Variants in GRIP1 observed in about 807,000 individuals in gnomAD.
The protein encoded by GRIP1 is glutamate receptor interacting protein 1, also known as glutamate receptor-interacting protein 1.
Under a neutral mutation model 129.9 loss-of-function variants are expected in GRIP1, and 45 were observed. That is an observed-to-expected ratio of 0.35 (90% CI 0.27 to 0.44). The LOEUF is 0.44. GRIP1 is among the 20% of genes least tolerant of loss of function. The probability of loss-of-function intolerance (pLI) is 1.00; values close to 1 mark genes in which losing one functional copy is unlikely to be tolerated. For synonymous variants in GRIP1, 530 were observed against 520.8 expected (o/e 1.02, Z -0.24); for missense variants, 1,196 against 1,396.8 (o/e 0.86, Z 2.29).
At chr12:66,595,018 T>C (rs2063991940) in intron 2 of GRIP1, among the ~76,000 whole-genome samples, 1 of 152,218 alleles carries the variant, frequency 6.6e-6, no homozygotes, top group African/African-American at 2.4e-5. Context: ...ACTACTTTGG[T>C]TTCTTAGCCC....
At chr12:66,764,625 C>T (rs1789183882) in intron 1 of GRIP1, among the ~76,000 whole-genome samples, 1 of 152,022 alleles carries the variant, frequency 6.6e-6, no homozygotes, top group Admixed American at 6.6e-5. Context: ...ATTCTAGAAG[C>T]CTTTATATTT....
At chr12:66,971,590 C>T (rs1251179079) in intron 1 of GRIP1, among the ~76,000 whole-genome samples, 3 of 152,096 alleles carry the variant, frequency 2.0e-5, no homozygotes, top group East Asian at 3.8e-4. Flanking sequence ...AGTCCCTGCC[C>T]TTGAGGAACT....
chr12:66,427,607 T>C (rs2058026332), intron 14 of GRIP1, among the ~76,000 whole-genome samples: 1 of 152,154 alleles, frequency 6.6e-6, no homozygotes, highest in South Asian at 2.1e-4. Flanking sequence ...ACATATGTTC[T>C]TATGTTGTTT....
chr12:66,452,121 C>T (rs1219404129), intron 11 of GRIP1, among the ~76,000 whole-genome samples: 1 of 152,222 alleles, frequency 6.6e-6, no homozygotes, highest in Non-Finnish European at 1.5e-5. Context: ...GGAGTCTCTA[C>T]ACTGGCCCAG....
chr12:66,392,780 G>T lies in GRIP1; in HGVS notation c.2166C>A (p.Ala722=), dbSNP rs1341900347. 1 of 1,614,046 alleles carries T rather than the reference G, an allele frequency of 6.2e-7. No individual in the cohort carries two copies. The highest frequency in any genetic ancestry group is 1.7e-5 in the Admixed American group (1 of 60,016). ...TCCCTTTCAAGCTGCTGCTATTGAT[G>T]GCTAGGATTCGGTCTCCTATGTGGA... ...GAIHIGDRIL[A]INSSSLKGKP... The change falls in exon 18 of 25, where the codon GCC becomes GCA. Residue 722 remains alanine (A), a synonymous_variant. Coordinates refer to ENST00000359742, the MANE Select transcript of GRIP1 (RefSeq NM_001366722.1).
chr12:66,934,716 A>G (rs2041456497), intron 1 of GRIP1, among the ~76,000 whole-genome samples: 1 of 152,206 alleles, frequency 6.6e-6, no homozygotes, highest in Non-Finnish European at 1.5e-5. Context: ...TTTCCAACCA[A>G]GCTATTTATT....
chr12:66,390,841 G>A (rs1346378969), intron 19 of GRIP1, among the ~76,000 whole-genome samples: 2 of 152,180 alleles, frequency 1.3e-5, no homozygotes, highest in Non-Finnish European at 2.9e-5. Flanking sequence ...GCAATCAGAA[G>A]GTCTGTTATT....
At chr12:66,952,636 T>C (rs11176493) in intron 1 of GRIP1, among the ~76,000 whole-genome samples, 39,641 of 152,092 alleles carry the variant, frequency 0.26, 5,370 homozygotes, top group East Asian at 0.41. Flanking sequence ...GAACAAAATA[T>C]GAATGGCAGA....
intron 1 of GRIP1, among the ~76,000 whole-genome samples, chr12:67,042,613 T>C (rs2043196951): frequency 6.6e-6 from 1 of 152,222 alleles, no homozygotes; most frequent in Admixed American, 6.5e-5. Flanking sequence ...GGTATTTGAA[T>C]TTAAATATCT....
At chr12:66,371,426 T>G (rs2055490903) in intron 23 of GRIP1, among the ~76,000 whole-genome samples, 1 of 152,206 alleles carries the variant, frequency 6.6e-6, no homozygotes, top group Admixed American at 6.5e-5. Context: ...CCCAAAGTGC[T>G]GGGATTATAG....
At chr12:66,744,315 C>G (rs1421403537) in intron 1 of GRIP1, among the ~76,000 whole-genome samples, 1 of 152,070 alleles carries the variant, frequency 6.6e-6, no homozygotes, top group Non-Finnish European at 1.5e-5. Context: ...CTTTCTCTTC[C>G]CTTTCACGCT....
At chr12:66,576,825 T>C (rs2063153577) in intron 2 of GRIP1, among the ~76,000 whole-genome samples, 1 of 152,240 alleles carries the variant, frequency 6.6e-6, no homozygotes, top group African/African-American at 2.4e-5. Context: ...CACAGAGTAC[T>C]ACCCCTCAAG....
chr12:66,670,686 T>C (rs944827590), intron 1 of GRIP1, among the ~76,000 whole-genome samples: 3 of 152,164 alleles, frequency 2.0e-5, no homozygotes, highest in African/African-American at 7.2e-5. Flanking sequence ...CTAATGGGCT[T>C]AGGTGTTAAA....
intron 1 of GRIP1, among the ~76,000 whole-genome samples, chr12:67,059,026 T>C (rs1592528050): frequency 6.6e-6 from 1 of 152,236 alleles, no homozygotes; most frequent in Admixed American, 6.5e-5. Context: ...GAGAACATTG[T>C]GGCCAATGAC....
At chr12:66,968,987 T>C (rs1029069143) in intron 1 of GRIP1, among the ~76,000 whole-genome samples, 2 of 152,152 alleles carry the variant, frequency 1.3e-5, no homozygotes, top group Non-Finnish European at 2.9e-5. Flanking sequence ...ATAATTTTTA[T>C]GGATTTAGAA....
At position 66,394,220 on chromosome 12, in the gene GRIP1, C is replaced by T; in HGVS notation, c.2117G>A (p.Gly706Glu). 6.2e-7 allele frequency: 1 copy of T among 1,613,926 alleles called. No homozygotes were observed. The highest frequency in any genetic ancestry group is 8.5e-7 in the Non-Finnish European group (1 of 1,179,846). ...CTTCAAATTTTACCTTTCAGCTAAT[C>T]CCCCTTTAGTGAGGCTTGAAATGAT... is the stretch of plus-strand genomic sequence containing the variant. The part of the protein sequence containing the change: ...PIIISSLTKG[G>E]LAERTGAIHI... The change falls in exon 17 of 25, where the codon GGA (glycine) becomes GAA (glutamate). Residue 706 changes from glycine (G) to glutamate (E), a missense_variant. Physicochemically the swap from Gly to Glu is moderately conservative, Grantham distance 98. Transcript: ENST00000359742.
chr12:66,631,229 C>T (rs1004295358), intron 1 of GRIP1, among the ~76,000 whole-genome samples: 2 of 152,154 alleles, frequency 1.3e-5, no homozygotes, highest in East Asian at 1.9e-4. Flanking sequence ...TGAGCCATCG[C>T]GCCTGGCTAA....
intron 1 of GRIP1, among the ~76,000 whole-genome samples, chr12:67,066,655 G>A (rs892181681): frequency 1.3e-5 from 2 of 151,848 alleles, no homozygotes; most frequent in African/African-American, 2.4e-5. Flanking sequence ...TGACCAACCT[G>A]ACAGTTTAAT....
chr12:66,844,244 C>T (rs1248949085), intron 1 of GRIP1, among the ~76,000 whole-genome samples: 2 of 151,980 alleles, frequency 1.3e-5, no homozygotes, highest in Non-Finnish European at 2.9e-5. Context: ...TCCTACAACT[C>T]AACAACAAAA....
Sources: gnomAD v4.1 joint callset for allele counts (sites outside exome capture counted in the v4.1 genomes callset) on GRCh38, gnomAD v4.1.1 for gene constraint, MANE v1.5 for transcripts, NCBI Gene and HGNC (gene_info 2026-07-23, HGNC 2026-07-21) for gene names.